RNF111: variants seen among roughly 807,000 people sequenced by gnomAD.
RNF111 encodes the protein ring finger protein 111.
RNF111 carries 17 observed loss-of-function variants against 95.1 expected under a neutral mutation model. The observed-to-expected ratio is 0.18, with a 90% CI of 0.12 to 0.27. The LOEUF (loss-of-function observed/expected upper bound fraction) is 0.27. Among genes scored for constraint, RNF111 ranks in the 10% least tolerant of loss-of-function variants. The probability of loss-of-function intolerance (pLI) is 1.00; values close to 1 mark genes in which losing one functional copy is unlikely to be tolerated. For synonymous variants in RNF111, 440 were observed against 414.8 expected, an observed-to-expected ratio of 1.06 and a Z score of -0.74; for missense variants, 1,189 against 1,210.4, an observed-to-expected ratio of 0.98 and a Z score of 0.26.
intron 1 of RNF111, among the ~76,000 whole-genome samples, chr15:59,007,559 C>T (rs755666384): frequency 2.6e-5 from 4 of 152,256 alleles, no homozygotes; most frequent in Non-Finnish European, 4.4e-5. Context: ...CGTTTTCCAA[C>T]TTAGGCATGG....
intron 1 of RNF111, among the ~76,000 whole-genome samples, chr15:59,012,335 T>A (rs1387954436): frequency 6.6e-6 from 1 of 152,160 alleles, no homozygotes; most frequent in Non-Finnish European, 1.5e-5. Context: ...TCTGTCTTAA[T>A]TTCCACTTAG....
At position 59,070,326 on chromosome 15, in the gene RNF111, A is replaced by G. The variant is rs1596268349; in HGVS notation, c.1686+3243A>G. On this transcript the variant is annotated intron_variant, in intron 6 of 13. Transcript: ENST00000348370. Reference sequence around the variant, plus strand: ...GAAGAGGGTTCTCATTACTGTTTTTATTTTCCCTTTATTCTTTAATTTTAC... The same window carrying G: ...GAAGAGGGTTCTCATTACTGTTTTTGTTTTCCCTTTATTCTTTAATTTTAC... Among the ~76,000 whole-genome samples, 7 of 151,704 alleles carry G rather than the reference A, an allele frequency of 4.6e-5. No homozygotes were observed. In the South Asian group the frequency reaches 1.5e-3, roughly 32 times the overall value.
At chr15:58,996,267 C>CTTT (rs2039067532) in intron 1 of RNF111, among the ~76,000 whole-genome samples, 2 of 152,056 alleles carry the variant, frequency 1.3e-5, no homozygotes, top group African/African-American at 2.4e-5. Flanking sequence ...TTTTAAGAAA[C>CTTT]TTTAAAATGA....
At chr15:59,076,344 A>G (rs778652545) in intron 7 of RNF111, 129 bp downstream of exon 7, 3 of 1,043,352 alleles carry the variant, frequency 2.9e-6, no homozygotes, top group South Asian at 1.6e-5. Context: ...AGTAGGGTAT[A>G]TTTTTTCCCA....
intron 1 of RNF111, among the ~76,000 whole-genome samples, chr15:58,996,612 G>T (rs1596024907): frequency 7.3e-6 from 1 of 137,192 alleles, no homozygotes; most frequent in Non-Finnish European, 1.5e-5. Context: ...TTATGAAACA[G>T]AATTTTTGTA....
intron 1 of RNF111, among the ~76,000 whole-genome samples, chr15:59,007,536 G>A (rs530933906): frequency 1.2e-4 from 18 of 152,248 alleles, no homozygotes; most frequent in African/African-American, 3.9e-4. Context: ...TCATATACAA[G>A]TCTTTGTATT....
At chr15:58,997,729 T>C (rs2141411061) in intron 1 of RNF111, among the ~76,000 whole-genome samples, 1 of 149,922 alleles carries the variant, frequency 6.7e-6, no homozygotes, top group East Asian at 2.0e-4. Context: ...GGCAGGAGGA[T>C]GGCTTGAACC....
intron 1 of RNF111, among the ~76,000 whole-genome samples, chr15:59,022,024 T>C (rs911712711): frequency 1.3e-5 from 2 of 151,942 alleles, no homozygotes; most frequent in East Asian, 1.9e-4. Flanking sequence ...CATGCCTGGC[T>C]AATTTTTGTA....
chr15:59,044,680 G>C (rs768684597), intron 2 of RNF111, among the ~76,000 whole-genome samples: 6 of 151,716 alleles, frequency 4.0e-5, no homozygotes, highest in African/African-American at 1.5e-4. Flanking sequence ...AGCCATACTC[G>C]TTTTTTATCC....
At chr15:59,053,982 C>T (rs1382329777) in intron 3 of RNF111, among the ~76,000 whole-genome samples, 1 of 152,182 alleles carries the variant, frequency 6.6e-6, no homozygotes, top group Non-Finnish European at 1.5e-5. Flanking sequence ...GTCACCCAGG[C>T]TGGAGGGCAG....
intron 1 of RNF111, chr15:58,988,453 C>A (rs932856764): frequency 3.9e-5 from 6 of 152,478 alleles, no homozygotes; most frequent in African/African-American, 1.4e-4. Flanking sequence ...GCCCTGACGG[C>A]TAGGGAGTCG....
At chr15:59,073,961 T>A (rs2043056469) in intron 6 of RNF111, among the ~76,000 whole-genome samples, 1 of 152,222 alleles carries the variant, frequency 6.6e-6, no homozygotes, top group South Asian at 2.1e-4. Flanking sequence ...TCATCAGAGC[T>A]CTTTGGTGAC....
rs1053454835 is a variant in RNF111 at position 59,000,474 on chromosome 15, G to A, written c.-20+12406G>A. Among the ~76,000 whole-genome samples, 5 of 152,228 alleles carry A rather than the reference G, an allele frequency of 3.3e-5. No homozygotes were observed. The East Asian group carries it at 9.7e-4, about 29-fold the overall frequency. On this transcript the variant is annotated intron_variant, in intron 1 of 13. Coordinates refer to ENST00000348370, the MANE Select transcript of RNF111 (RefSeq NM_017610.8). ...CATCTGTAATTGCAGCACTTTGGGA[G>A]GCCGAGGCAGGCGGATCACCTGAGG...
At position 59,081,113 on chromosome 15, in the gene RNF111, C is replaced by G; in HGVS notation, c.2126C>G (p.Pro709Arg). The G allele has an allele frequency of 1.2e-6, 2 of 1,614,094 alleles. No homozygotes were observed. Among genetic ancestry groups the G allele is most frequent in the Non-Finnish European group, 1.7e-6 (2 of 1,180,010 alleles). ...HATSHPVAPP[P>R]PTHLASTAAP... is the part of the protein sequence containing the mutation. ...ACATCTCATCCTGTGGCACCCCCAC[C>G]ACCAACTCACTTAGCCAGTACAGCT... The change falls in exon 8 of 14, where the codon CCA becomes CGA. Residue 709 changes from proline (P) to arginine (R), a missense_variant. Coordinates refer to ENST00000348370, the MANE Select transcript of RNF111 (RefSeq NM_017610.8).
At chr15:59,034,131 G>A (rs7181747) in intron 2 of RNF111, among the ~76,000 whole-genome samples, 9,560 of 152,094 alleles carry the variant, frequency 0.063, 1,046 homozygotes, top group African/African-American at 0.22. Flanking sequence ...TAAATAATGT[G>A]GCTCTTTTTA....
chr15:58,990,604 C>G (rs117664806), intron 1 of RNF111, among the ~76,000 whole-genome samples: 2 of 152,164 alleles, frequency 1.3e-5, no homozygotes, highest in African/African-American at 4.8e-5. Flanking sequence ...AAGCGGAGAT[C>G]GTGCCACTCA....
intron 1 of RNF111, among the ~76,000 whole-genome samples, chr15:59,016,431 T>A (rs2040071855): frequency 6.6e-6 from 1 of 152,096 alleles, no homozygotes; most frequent in African/African-American, 2.4e-5. Flanking sequence ...GCCTAATTAT[T>A]TATATTCTGT....
intron 1 of RNF111, among the ~76,000 whole-genome samples, chr15:59,003,278 A>G (rs1198484431): frequency 6.6e-6 from 1 of 151,308 alleles, no homozygotes; most frequent in Non-Finnish European, 1.5e-5. Flanking sequence ...ACACCCAGCT[A>G]AGTTTTTGTA....
chr15:59,069,567 G>A (rs763363465), intron 6 of RNF111, among the ~76,000 whole-genome samples: 4 of 152,084 alleles, frequency 2.6e-5, no homozygotes, highest in South Asian at 4.2e-4. Flanking sequence ...AATATAACTC[G>A]TTTACCCACC....
Sources: gnomAD v4.1 joint callset for allele counts (sites outside exome capture counted in the v4.1 genomes callset) on GRCh38, gnomAD v4.1.1 for gene constraint, MANE v1.5 for transcripts, NCBI Gene and HGNC (gene_info 2026-07-23, HGNC 2026-07-21) for gene names.